ANKHD1: variants seen among roughly 807,000 people sequenced by gnomAD.
The protein encoded by ANKHD1 is ankyrin repeat and KH domain containing 1, also known as ankyrin repeat and KH domain-containing protein 1.
In ANKHD1, 31 loss-of-function variants were observed where a neutral mutation model predicts 230.5. The ratio of observed to expected loss-of-function variants is 0.13; its 90% CI spans 0.10 to 0.18. The LOEUF (loss-of-function observed/expected upper bound fraction) is 0.18. Among genes scored for constraint, ANKHD1 ranks in the 10% least tolerant of loss-of-function variants. The pLI is 1.00. For missense variants in ANKHD1, 2,256 were observed against 3,071.3 expected (o/e 0.73, Z 6.27); for synonymous variants, 1,074 against 1,117.6 (o/e 0.96, Z 0.78).
chr5:140,454,118 C>A (rs1002536397), intron 7 of ANKHD1, among the ~76,000 whole-genome samples: 11 of 151,800 alleles, frequency 7.2e-5, no homozygotes, highest in Non-Finnish European at 1.5e-4. Context: ...GAGACAAGGC[C>A]ATTACATAAT....
rs749698139 is a variant in ANKHD1 at position 140,445,765 on chromosome 5, T to A, written c.937T>A (p.Cys313Ser). 1.2e-6 allele frequency: 2 copies of A among 1,605,842 alleles called. No homozygotes were observed. Among genetic ancestry groups the A allele is most frequent in the South Asian group, 2.2e-5 (2 of 89,264 alleles). The change falls in exon 6 of 34, where the codon TGT becomes AGT. Residue 313 changes from cysteine (C) to serine (S), a missense_variant. Cys to Ser is a moderately radical substitution (Grantham distance 112, BLOSUM62 -1). This residue lies in a region of ANKHD1 where 206 missense variants were observed against 304.5 expected (regional missense o/e 0.68). Transcript: ENST00000360839. ...AGGAAACACTGCGCTAACTTATGCA[T>A]GTGCTGGAGGATTTGTTGACATTGT... ...ATGNTALTYACAGGFVDIVKV... is the reference protein window; with the variant it reads ...ATGNTALTYASAGGFVDIVKV...
rs1775418392 is a variant in ANKHD1 at position 140,458,897 on chromosome 5, T to G, written c.1480+35T>G. ...TTTTACTTCTTTTAGAAAAATCAGT[T>G]TTCTTTGGATGTTTTGTGTTAGTAC... On this transcript the variant is annotated intron_variant, in intron 8 of 33. Coordinates refer to ENST00000360839, the MANE Select transcript of ANKHD1 (RefSeq NM_017747.3). 3.9e-6 allele frequency: 6 copies of G among 1,545,126 alleles called. No homozygotes were observed. In the East Asian group the frequency reaches 1.2e-4, roughly 31 times the overall value.
At chr5:140,462,248 G>C (rs951000752) in intron 9 of ANKHD1, among the ~76,000 whole-genome samples, 1 of 151,522 alleles carries the variant, frequency 6.6e-6, no homozygotes, top group Non-Finnish European at 1.5e-5. Context: ...GTATATAGTT[G>C]TCTCTCTTTT....
chr5:140,475,234 A>G (rs1002558071), intron 10 of ANKHD1, among the ~76,000 whole-genome samples: 2 of 152,192 alleles, frequency 1.3e-5, no homozygotes, highest in African/African-American at 2.4e-5. Context: ...TCGTGCCCCA[A>G]AACAACAGGA....
chr5:140,453,154 G>A (rs1447159435), intron 7 of ANKHD1, among the ~76,000 whole-genome samples: 3 of 152,150 alleles, frequency 2.0e-5, no homozygotes, highest in African/African-American at 7.2e-5. Context: ...GAAGCGAGAA[G>A]TTTGGAGAAA....
rs765209774 is a variant in ANKHD1 at position 140,496,932 on chromosome 5, T to C, written c.2658T>C (p.Gly886=). Residue 886 remains glycine, a synonymous_variant, in exon 15 of 34, where the codon GGT becomes GGC. Transcript: ENST00000360839. ...RGVFPEGEGD[G]SLPEDHFSEL... is the part of the protein sequence containing the mutation. Reference sequence around the variant, plus strand: ...TCTTCCCAGAAGGGGAAGGAGATGGTAGTCTCCCAGAGGATCACTTTTCAG... The same window carrying C: ...TCTTCCCAGAAGGGGAAGGAGATGGCAGTCTCCCAGAGGATCACTTTTCAG... 3 of 1,614,180 alleles carry C rather than the reference T, an allele frequency of 1.9e-6. No individual in the cohort carries two copies. Among genetic ancestry groups the C allele is most frequent in the Non-Finnish European group, 2.5e-6 (3 of 1,180,022 alleles).
chr5:140,421,530 ACCTCAAGTGAT>A (rs1561694626), intron 1 of ANKHD1, among the ~76,000 whole-genome samples: 1 of 151,918 alleles, frequency 6.6e-6, no homozygotes, highest in Non-Finnish European at 1.5e-5. Flanking sequence ...CAAACTCCTG[ACCTCAAGTGAT>A]CCACCCACCT....
rs111485468 is a variant in ANKHD1 at position 140,510,029 on chromosome 5, A to G, written c.3952A>G (p.Ile1318Val). Residue 1318 changes from isoleucine (I) to valine (V), a missense_variant, in exon 22 of 34, where the codon ATT (isoleucine) becomes GTT (valine). By Grantham distance (29) the Ile-to-Val change is conservative. Transcript: ENST00000360839. ...ATGCCTTGTTTACAGGGGAGCCCAC[A>G]TTGATGTTCGTAACAAAAAGGGAAA... Reference protein sequence around the residue: ...CELLIHRGAHIDVRNKKGNTP... With the variant: ...CELLIHRGAHVDVRNKKGNTP... 3.1e-6 allele frequency: 5 copies of G among 1,613,258 alleles called. No individual in the cohort carries two copies. In the South Asian group the frequency reaches 3.3e-5, roughly 11 times the overall value.
intron 1 of ANKHD1, among the ~76,000 whole-genome samples, chr5:140,430,875 G>T (rs1233720639): frequency 6.6e-6 from 1 of 151,928 alleles, no homozygotes; most frequent in Non-Finnish European, 1.5e-5. Flanking sequence ...ATGTTGCCCA[G>T]GCTGGTCTTG....
chr5:140,525,856 C>A (rs919168302), intron 25 of ANKHD1, 140 bp from the exon 26 acceptor site: 33 of 881,648 alleles, frequency 3.7e-5, no homozygotes, highest in South Asian at 4.9e-5. Flanking sequence ...AAAAAGATTT[C>A]TTTATTTCTT....
intron 22 of ANKHD1, 101 bp from the exon 23 acceptor site, chr5:140,512,727 G>C: frequency 9.2e-7 from 1 of 1,090,872 alleles, no homozygotes; most frequent in Non-Finnish European, 1.3e-6. Context: ...GCAAAATCAA[G>C]GGATTCCTTT....
At position 140,505,782 on chromosome 5, in the gene ANKHD1, T is replaced by C; in HGVS notation, c.3321T>C (p.Leu1107=). The C allele has an allele frequency of 6.2e-7, 1 of 1,613,168 alleles. No individual in the cohort carries two copies. The highest frequency in any genetic ancestry group is 8.5e-7 in the Non-Finnish European group (1 of 1,179,646). Residue 1107 remains leucine (L), a synonymous_variant, in exon 18 of 34, where the codon CTT becomes CTC. Transcript: ENST00000360839. The part of the protein sequence containing the change: ...TAGHVGVVEI[L]LDKGGDIEAQ... ...GGCATGTTGGAGTTGTTGAAATCCTTTTGGATAAAGGTGGAGATATAGAAG... is the reference window on the plus strand; with the variant it reads ...GGCATGTTGGAGTTGTTGAAATCCTCTTGGATAAAGGTGGAGATATAGAAG...
At chr5:140,510,917 G>T (rs1363536825) in intron 22 of ANKHD1, among the ~76,000 whole-genome samples, 1 of 151,672 alleles carries the variant, frequency 6.6e-6, no homozygotes, top group Admixed American at 6.6e-5. Flanking sequence ...CAACCTCCCA[G>T]GCTCAATTGA....
intron 10 of ANKHD1, among the ~76,000 whole-genome samples, chr5:140,479,912 A>C (rs906911504): frequency 6.8e-6 from 1 of 146,822 alleles, no homozygotes; most frequent in Non-Finnish European, 1.5e-5. Flanking sequence ...ATGTACTCCT[A>C]TATATATACA....
At chr5:140,530,719 A>C (rs1170476184) in intron 29 of ANKHD1, among the ~76,000 whole-genome samples, 1 of 152,264 alleles carries the variant, frequency 6.6e-6, no homozygotes, top group East Asian at 1.9e-4. Context: ...GCCAAATTTT[A>C]GTCTAATCTG....
chr5:140,459,445 G>A, intron 9 of ANKHD1, 90 bp downstream of exon 9: 1 of 1,398,682 alleles, frequency 7.1e-7, no homozygotes. Context: ...GCTCCTAGTA[G>A]ATAATAGAAT....
At chr5:140,492,382 T>C (rs1426088550) in intron 14 of ANKHD1, among the ~76,000 whole-genome samples, 1 of 152,206 alleles carries the variant, frequency 6.6e-6, no homozygotes, top group Non-Finnish European at 1.5e-5. Context: ...AAATGTATAA[T>C]GTGTCCTGTT....
intron 1 of ANKHD1, among the ~76,000 whole-genome samples, chr5:140,411,741 C>G (rs1349005926): frequency 6.6e-6 from 1 of 151,714 alleles, no homozygotes; most frequent in East Asian, 1.9e-4. Flanking sequence ...CCAGGCTGGT[C>G]TCGAACTCCT....
chr5:140,404,062 G>T (rs182891952), intron 1 of ANKHD1, among the ~76,000 whole-genome samples: 1 of 152,268 alleles, frequency 6.6e-6, no homozygotes, highest in Admixed American at 6.5e-5. Flanking sequence ...TGAATTTCAC[G>T]GTAAGGGAAA....
Sources: allele counts gnomAD v4.1 joint callset (sites outside exome capture counted in the v4.1 genomes callset), GRCh38; gene constraint gnomAD v4.1.1; regional missense constraint gnomAD v4.1.1; transcripts MANE v1.5; gene names NCBI Gene and HGNC (gene_info 2026-07-23, HGNC 2026-07-21).